MDGA2: variants seen among roughly 807,000 people sequenced by gnomAD.
The protein encoded by MDGA2 is MAM domain containing glycosylphosphatidylinositol anchor 2, also known as MAM domain-containing glycosylphosphatidylinositol anchor protein 2.
Under a neutral mutation model 117.8 loss-of-function variants are expected in MDGA2, and 40 were observed. The observed-to-expected ratio is 0.34, with a 90% CI of 0.26 to 0.44. The LOEUF is 0.44. Among genes scored for constraint, MDGA2 ranks in the 20% least tolerant of loss-of-function variants. MDGA2 has a pLI of 1.00. For synonymous variants in MDGA2, 452 were observed against 439.0 expected, an observed-to-expected ratio of 1.03 and a Z score of -0.37; for missense variants, 1,123 against 1,250.6, an observed-to-expected ratio of 0.90 and a Z score of 1.54.
intron 1 of MDGA2, among the ~76,000 whole-genome samples, chr14:47,304,641 A>G (rs1566730129): frequency 2.6e-5 from 4 of 152,100 alleles, no homozygotes; most frequent in Admixed American, 1.3e-4. Flanking sequence ...GTATTTTGAA[A>G]TTTCTATTTA....
chr14:47,458,253 G>T (rs1893404903), intron 1 of MDGA2, among the ~76,000 whole-genome samples: 1 of 152,082 alleles, frequency 6.6e-6, no homozygotes, highest in African/African-American at 2.4e-5. Flanking sequence ...TTTGTTGGTT[G>T]TATCCCTTGC....
intron 1 of MDGA2, among the ~76,000 whole-genome samples, chr14:47,665,381 T>C (rs1897925514): frequency 1.3e-5 from 2 of 152,252 alleles, no homozygotes; most frequent in Admixed American, 1.3e-4. Flanking sequence ...GGTGACAGTG[T>C]GCTGGCAGCC....
At chr14:47,048,575 T>G in intron 7 of MDGA2, among the ~76,000 whole-genome samples, 1 of 152,190 alleles carries the variant, frequency 6.6e-6, no homozygotes, top group South Asian at 2.1e-4. Flanking sequence ...ATTACACCAC[T>G]GATTGTATAC....
Position 47,289,335 on chromosome 14 carries a change from A to G in MDGA2, c.420+12076T>C, listed in dbSNP as rs866072696. ...CACACACACACACACACACACACAC[A>G]CACGCACACACTCTCATACTTAAGG... On this transcript the variant is annotated intron_variant, in intron 2 of 16. Transcript: ENST00000399232. Among the ~76,000 whole-genome samples the G allele has an allele frequency of 2.0e-3, 289 of 144,454 alleles. 2 individuals are homozygous for G. The highest frequency in any genetic ancestry group is 6.8e-3 in the African/African-American group (271 of 40,084). 94.8% of individuals were successfully genotyped at this position (144,454 alleles called of 152,430 possible). A position where few individuals can be genotyped will look rare whatever the true frequency, so the allele number is the denominator to read the frequency against.
At position 47,561,622 on chromosome 14, in the gene MDGA2, T is replaced by C. The variant is rs1480708355; in HGVS notation, c.280+112895A>G. Among the ~76,000 whole-genome samples, 3 of 152,194 alleles carry C rather than the reference T, an allele frequency of 2.0e-5. No homozygotes were observed. The East Asian group carries it at 5.8e-4, about 29-fold the overall frequency. ...AGTTGTTTATCCAGTCAAGGAGCTT[T>C]TGGGCAGAGACCATGGGGTTTTCTA... On this transcript the variant is annotated intron_variant, in intron 1 of 16. Transcript: ENST00000399232.
intron 1 of MDGA2, among the ~76,000 whole-genome samples, chr14:47,426,624 AT>A (rs1476901658): frequency 1.3e-5 from 2 of 150,260 alleles, no homozygotes; most frequent in East Asian, 1.9e-4. Context: ...TAAAAAACAT[AT>A]TTTTTGAAAA....
At chr14:47,297,982 T>G (rs2139800505) in intron 2 of MDGA2, among the ~76,000 whole-genome samples, 1 of 152,262 alleles carries the variant, frequency 6.6e-6, no homozygotes, top group Non-Finnish European at 1.5e-5. Context: ...ATAGTTGTAT[T>G]TGTATGTGTG....
chr14:47,103,874 AG>A (rs1880481085), intron 5 of MDGA2, among the ~76,000 whole-genome samples: 1 of 152,186 alleles, frequency 6.6e-6, no homozygotes, highest in African/African-American at 2.4e-5. Flanking sequence ...TTCATTCATA[AG>A]TATTTCTACA....
intron 9 of MDGA2, among the ~76,000 whole-genome samples, chr14:46,926,437 C>T (rs1243250648): frequency 6.7e-6 from 1 of 150,032 alleles, no homozygotes; most frequent in East Asian, 1.9e-4. Flanking sequence ...AAAAAAAAGC[C>T]TTCTAAAAAT....
intron 3 of MDGA2, among the ~76,000 whole-genome samples, chr14:47,194,589 A>G (rs6572410): frequency 0.064 from 9,681 of 152,194 alleles, 361 homozygotes; most frequent in Non-Finnish European, 0.065. Context: ...CAAGATAAGC[A>G]CTTGGATCTG....
intron 5 of MDGA2, among the ~76,000 whole-genome samples, chr14:47,126,042 T>C (rs1481193002): frequency 6.6e-6 from 1 of 152,028 alleles, no homozygotes; most frequent in Non-Finnish European, 1.5e-5. Flanking sequence ...TCAGTTATCC[T>C]AATTATGATA....
At chr14:46,982,367 G>A in intron 8 of MDGA2, among the ~76,000 whole-genome samples, 1 of 151,908 alleles carries the variant, frequency 6.6e-6, no homozygotes, top group East Asian at 1.9e-4. Flanking sequence ...ATTTACAGAT[G>A]GACAAATTAG....
chr14:47,025,649 A>G (rs1477370059), intron 8 of MDGA2, among the ~76,000 whole-genome samples: 3 of 151,996 alleles, frequency 2.0e-5, no homozygotes, highest in Admixed American at 6.6e-5. Flanking sequence ...TCTAAAGATT[A>G]CAAGCCTAAG....
intron 10 of MDGA2, among the ~76,000 whole-genome samples, chr14:46,899,972 G>A (rs890095930): frequency 6.6e-6 from 1 of 151,804 alleles, no homozygotes; most frequent in African/African-American, 2.4e-5. Context: ...ACTTAGAAAA[G>A]AAAAAAATAA....
chr14:46,892,437 T>A (rs1467446042), intron 10 of MDGA2, among the ~76,000 whole-genome samples: 1 of 151,966 alleles, frequency 6.6e-6, no homozygotes, highest in Non-Finnish European at 1.5e-5. Flanking sequence ...CCCTTGGTAT[T>A]GGCTCTGACA....
chr14:47,094,482 G>A (rs1879849554), intron 6 of MDGA2, among the ~76,000 whole-genome samples: 1 of 151,934 alleles, frequency 6.6e-6, no homozygotes, highest in Non-Finnish European at 1.5e-5. Context: ...AAGCAACACA[G>A]ATATTTTATA....
At chr14:46,987,207 C>A (rs919240454) in intron 8 of MDGA2, among the ~76,000 whole-genome samples, 1 of 152,006 alleles carries the variant, frequency 6.6e-6, no homozygotes, top group Admixed American at 6.6e-5. Flanking sequence ...CACTAATATG[C>A]CCACGGTGAC....
At chr14:46,871,692 C>T (rs921735146) in intron 14 of MDGA2, 1 of 160,278 alleles carries the variant, frequency 6.2e-6, no homozygotes. Context: ...TTAACTTAAA[C>T]TACAGCTTTC....
intron 1 of MDGA2, among the ~76,000 whole-genome samples, chr14:47,620,829 T>C (rs556542762): frequency 2.3e-4 from 35 of 152,306 alleles, no homozygotes; most frequent in Non-Finnish European, 4.0e-4. Context: ...TCACCGTGAC[T>C]GGGTCAGGCT....
Sources: allele counts gnomAD v4.1 joint callset (sites outside exome capture counted in the v4.1 genomes callset), GRCh38; gene constraint gnomAD v4.1.1; transcripts MANE v1.5; gene names NCBI Gene and HGNC (gene_info 2026-07-23, HGNC 2026-07-21).